The following LAMA4 variants were observed in gnomAD, a reference collection of about 807,000 sequenced individuals.
LAMA4 encodes the protein laminin subunit alpha-4.
A neutral mutation model predicts 207.1 loss-of-function variants in LAMA4; 127 were observed. The ratio of observed to expected loss-of-function variants is 0.61; its 90% confidence interval spans 0.53 to 0.71. LAMA4 has a LOEUF of 0.71. Ranked by LOEUF, LAMA4 falls within the 30% of genes least tolerant of loss-of-function variation. The probability of loss-of-function intolerance (pLI) is 0.00; values close to 1 mark genes in which losing one functional copy is unlikely to be tolerated. For missense variants in LAMA4, 2,093 were observed against 2,246.5 expected (o/e 0.93, Z 1.38); for synonymous variants, 761 against 816.0 (o/e 0.93, Z 1.15).
chr6:112,150,701 A>G (rs1453952042), intron 16 of LAMA4, 74 bp from the exon 17 acceptor site: 4 of 1,027,350 alleles, frequency 3.9e-6, no homozygotes, highest in Non-Finnish European at 6.2e-6. Context: ...CAACAAGGAA[A>G]CTTCTCATTT....
At chr6:112,128,816 T>C (rs1778851594) in intron 31 of LAMA4, 106 bp downstream of exon 31, 1 of 898,188 alleles carries the variant, frequency 1.1e-6, no homozygotes, top group South Asian at 1.5e-5. Context: ...CTTTCCTATG[T>C]ACGTAGTTGC....
chr6:112,253,919 G>T (rs782312002), intron 2 of LAMA4, 37 bp downstream of exon 2: 11 of 1,612,158 alleles, frequency 6.8e-6, no homozygotes, highest in Non-Finnish European at 9.3e-6. Flanking sequence ...GGGGGCGCAG[G>T]TGCCCCAGCA....
intron 29 of LAMA4, 151 bp downstream of exon 29, chr6:112,130,817 T>C (rs551358089): frequency 4.0e-6 from 3 of 751,188 alleles, no homozygotes; most frequent in Admixed American, 2.2e-5. Flanking sequence ...CTAATAGCAA[T>C]ATTTTTTTGA....
In LAMA4 at chr6:112,122,211, T is replaced by G. The variant is rs1778405149; in HGVS notation, c.4288-10A>C. On this transcript the variant is annotated splice_polypyrimidine_tract_variant and intron_variant, in intron 31 of 38. Transcript: ENST00000230538. ...CTTTACTTTTCCCTCCCTATAAAAG[T>G]AAACCAAATTAAGGGATAAAAGTGA... The G allele has an allele frequency of 6.2e-7, 1 of 1,609,806 alleles. No homozygotes were observed. The highest frequency in any genetic ancestry group is 8.5e-7 in the Non-Finnish European group (1 of 1,176,414).
rs1424404668 is a variant in LAMA4, at chr6:112,172,234, C to T, written c.1551+377G>A. 4 of 243,608 alleles carry T rather than the reference C, an allele frequency of 1.6e-5. No homozygotes were observed. The East Asian group carries it at 4.5e-4, about 27-fold the overall frequency. 15.1% of individuals were successfully genotyped at this position (243,608 alleles called of 1,614,324 possible). Reference sequence around the variant, plus strand: ...CTGACCAGCCAGACTGTGAGATTTGCTTATCGTGCCTTTCCAAAAATTATG... The same window carrying T: ...CTGACCAGCCAGACTGTGAGATTTGTTTATCGTGCCTTTCCAAAAATTATG... On this transcript the variant is annotated intron_variant, in intron 12 of 38. Coordinates refer to ENST00000230538, the MANE Select transcript of LAMA4 (RefSeq NM_001105206.3).
At chr6:112,167,465 G>A (rs1403700159) in intron 12 of LAMA4, among the ~76,000 whole-genome samples, 1 of 152,096 alleles carries the variant, frequency 6.6e-6, no homozygotes, top group African/African-American at 2.4e-5. Flanking sequence ...TTCCAGTAAG[G>A]TCAGATCCAT....
Position 112,109,375 on chromosome 6 carries a change from G to A in LAMA4, c.*62C>T. On this transcript the variant is annotated 3_prime_UTR_variant, in exon 39 of 39. Coordinates refer to ENST00000230538, the MANE Select transcript of LAMA4 (RefSeq NM_001105206.3). ...GGAAGAGTTACTGTTCCTCCTGGCT[G>A]GCTTTGTGTTTCTTTCAGTGCTCTA... 6.3e-7 allele frequency: 1 copy of A among 1,589,014 alleles called. No individual in the cohort carries two copies. The highest frequency in any genetic ancestry group is 8.6e-7 in the Non-Finnish European group (1 of 1,160,316).
In LAMA4 at chr6:112,114,899, T is replaced by C; in HGVS notation, c.5113-143A>G. ...CTTTGCAATTTGAACACAAGGGTCTTTGGCAGCCTATAGAAATAGGTTCAA... is the reference window on the plus strand; with the variant it reads ...CTTTGCAATTTGAACACAAGGGTCTCTGGCAGCCTATAGAAATAGGTTCAA... On this transcript the variant is annotated intron_variant, in intron 36 of 38. Transcript: ENST00000230538. 7.2e-6 allele frequency: 5 copies of C among 697,498 alleles called. No individual in the cohort carries two copies. The Admixed American group carries it at 1.0e-4, about 14-fold the overall frequency. The allele number at this position is 697,498 out of a possible 1,614,324, so 43.2% of individuals were successfully genotyped here.
intron 24 of LAMA4, among the ~76,000 whole-genome samples, chr6:112,136,845 C>A (rs1779385341): frequency 6.6e-6 from 1 of 152,060 alleles, no homozygotes; most frequent in Admixed American, 6.5e-5. Flanking sequence ...TACATTATTG[C>A]CTTTTAAGAA....
At chr6:112,199,695 T>C (rs1390602533) in intron 5 of LAMA4, among the ~76,000 whole-genome samples, 1 of 152,062 alleles carries the variant, frequency 6.6e-6, no homozygotes, top group African/African-American at 2.4e-5. Flanking sequence ...ATTATCCACA[T>C]TTTGCATATT....
chr6:112,144,597 T>C (rs2114719941), intron 19 of LAMA4, among the ~76,000 whole-genome samples, 197 bp downstream of exon 19: 1 of 152,354 alleles, frequency 6.6e-6, no homozygotes, highest in African/African-American at 2.4e-5. Context: ...TCTGATCTAT[T>C]GCTTTCAGGT....
chr6:112,195,910 G>A (rs571767818), intron 5 of LAMA4, among the ~76,000 whole-genome samples: 36 of 151,408 alleles, frequency 2.4e-4, no homozygotes, highest in Non-Finnish European at 4.0e-4. Context: ...CAGAGTCTCA[G>A]GTTCCTCATC....
chr6:112,189,251 T>C (rs781815794), intron 6 of LAMA4, 46 bp from the exon 7 acceptor site: 90 of 1,329,710 alleles, frequency 6.8e-5, no homozygotes, highest in Non-Finnish European at 9.8e-5. Flanking sequence ...TTCTTAATGC[T>C]TAAAATATGG....
At chr6:112,241,367 A>G (rs782696859) in intron 2 of LAMA4, among the ~76,000 whole-genome samples, 4 of 151,502 alleles carry the variant, frequency 2.6e-5, no homozygotes, top group Non-Finnish European at 5.9e-5. Flanking sequence ...GACCAAATAT[A>G]CCACTTATTT....
chr6:112,237,902 T>C (rs1246182271), intron 2 of LAMA4, among the ~76,000 whole-genome samples: 1 of 152,192 alleles, frequency 6.6e-6, no homozygotes, highest in African/African-American at 2.4e-5. Context: ...TTGCCCAATC[T>C]AGCCAGGAGA....
chr6:112,140,002 C>A, intron 22 of LAMA4, 117 bp from the exon 23 acceptor site: 1 of 987,156 alleles, frequency 1.0e-6, no homozygotes, highest in Non-Finnish European at 1.6e-6. Context: ...GTGGAAATAT[C>A]TTTCTAGACC....
chr6:112,174,240 G>A (rs1224325550), intron 11 of LAMA4, among the ~76,000 whole-genome samples: 2 of 152,192 alleles, frequency 1.3e-5, no homozygotes, highest in Non-Finnish European at 2.9e-5. Context: ...TTAAGAGACC[G>A]TGTGCTTTTC....
chr6:112,147,985 T>TATAG lies in LAMA4; in HGVS notation c.2353+168_2353+171dup, dbSNP rs564909971. Among the ~76,000 whole-genome samples, 16 of 152,300 alleles carry TATAG rather than the reference T, an allele frequency of 1.1e-4. No individual in the cohort carries two copies. The South Asian group carries it at 2.5e-3, about 24-fold the overall frequency. On this transcript the variant is annotated intron_variant, in intron 18 of 38. Transcript: ENST00000230538. The stretch of plus-strand genomic sequence containing the variant: ...TGTTTCTCATATGTATTTAGACAGG[T>TATAG]ATAGATAGATAGATAGATGAACAGT...
At chr6:112,219,079 G>A (rs901302789) in intron 2 of LAMA4, 10 of 152,074 alleles carry the variant, frequency 6.6e-5, no homozygotes, top group Non-Finnish European at 1.3e-4. Flanking sequence ...TCCTTTAGGT[G>A]GAAATATTTC....
Sources: gnomAD v4.1 joint callset for allele counts (sites outside exome capture counted in the v4.1 genomes callset) on GRCh38, gnomAD v4.1.1 for gene constraint, MANE v1.5 for transcripts, NCBI Gene and HGNC (gene_info 2026-07-23, HGNC 2026-07-21) for gene names.